The following BNC2 variants were observed in gnomAD, a reference collection of about 807,000 sequenced individuals.
BNC2 encodes the protein basonuclin zinc finger protein 2.
BNC2 carries 20 observed loss-of-function variants against 76.3 expected under a neutral mutation model. The observed-to-expected ratio is 0.26, with a 90% CI of 0.18 to 0.38. The LOEUF is 0.38. BNC2 is among the 10% of genes least tolerant of loss of function. The pLI, the probability that BNC2 is intolerant of heterozygous loss-of-function variation, is 1.00. For missense variants in BNC2, 1,382 were observed against 1,399.8 expected (o/e 0.99, Z 0.20); for synonymous variants, 582 against 514.8 (o/e 1.13, Z -1.77).
chr9:16,834,630 C>A (rs563516905), intron 1 of BNC2, among the ~76,000 whole-genome samples: 62 of 152,318 alleles, frequency 4.1e-4, no homozygotes, highest in Middle Eastern at 3.4e-3. Context: ...CCACAATTAG[C>A]ATTTTACATT....
intron 1 of BNC2, among the ~76,000 whole-genome samples, chr9:16,864,527 G>C: frequency 6.6e-6 from 1 of 152,124 alleles, no homozygotes; most frequent in East Asian, 1.9e-4. Context: ...CCTCAACTCT[G>C]TCTATCTCCT....
intron 4 of BNC2, among the ~76,000 whole-genome samples, chr9:16,568,617 G>GT (rs1819231199): frequency 6.6e-6 from 1 of 152,018 alleles, no homozygotes; most frequent in Non-Finnish European, 1.5e-5. Flanking sequence ...CTTTCCCATT[G>GT]TAAGACTCAG....
intron 1 of BNC2, among the ~76,000 whole-genome samples, chr9:16,863,423 T>G (rs1362956297): frequency 6.6e-6 from 1 of 152,144 alleles, no homozygotes; most frequent in Admixed American, 6.5e-5. Flanking sequence ...AGTGGCTCAC[T>G]GTGGGATCAC....
intron 5 of BNC2, among the ~76,000 whole-genome samples, chr9:16,539,605 G>GGA (rs369109556): frequency 1.1e-3 from 60 of 56,810 alleles, no homozygotes; most frequent in East Asian, 3.1e-3. Flanking sequence ...AGCGAGGGAG[G>GGA]GAGAGAGAGA....
At chr9:16,859,149 A>G (rs1405152684) in intron 1 of BNC2, among the ~76,000 whole-genome samples, 1 of 149,518 alleles carries the variant, frequency 6.7e-6, no homozygotes, top group African/African-American at 2.5e-5. Flanking sequence ...CCACACTGAG[A>G]TATCACCTCA....
At chr9:16,444,169 T>C (rs1367908823) in intron 5 of BNC2, among the ~76,000 whole-genome samples, 3 of 152,164 alleles carry the variant, frequency 2.0e-5, no homozygotes, top group African/African-American at 7.2e-5. Context: ...CACTGTGACA[T>C]GGTGAGTCAA....
rs149349462 is a variant in BNC2, at chr9:16,685,110, C to T, written c.330+42687G>A. On this transcript the variant is annotated intron_variant, in intron 3 of 6. Transcript: ENST00000380672. ...TCCCAAAAGTCTTAGAAGATGAAAG[C>T]TAATATTTACTGGGTACCTGTTATG... Among the ~76,000 whole-genome samples, 530 of 152,238 alleles carry T rather than the reference C, an allele frequency of 3.5e-3. 2 individuals are homozygous for T. The highest frequency in any genetic ancestry group is 0.012 in the African/African-American group (504 of 41,538).
intron 4 of BNC2, among the ~76,000 whole-genome samples, chr9:16,561,526 A>C (rs1819015445): frequency 6.6e-6 from 1 of 152,014 alleles, no homozygotes; most frequent in South Asian, 2.1e-4. Flanking sequence ...TATTTACTCT[A>C]AAACTGATCC....
chr9:16,738,570 G>A lies in BNC2; in HGVS notation c.4-85C>T, dbSNP rs919317660. The A allele has an allele frequency of 1.6e-5, 21 of 1,320,750 alleles. No individual in the cohort carries two copies. The Admixed American group carries it at 4.1e-4, about 26-fold the overall frequency. The allele number at this position is 1,320,750 out of a possible 1,614,324, so 81.8% of individuals were successfully genotyped here. A position where few individuals can be genotyped will look rare whatever the true frequency, so the allele number is the denominator to read the frequency against. ...GAGTACATCAAAACTTTAAGAAATT[G>A]CAAATATAACACACCAATGACCAAC... On this transcript the variant is annotated intron_variant, in intron 1 of 6. Transcript: ENST00000380672.
intron 3 of BNC2, among the ~76,000 whole-genome samples, chr9:16,707,481 G>T (rs192049218): frequency 6.6e-6 from 1 of 152,068 alleles, no homozygotes; most frequent in African/African-American, 2.4e-5. Context: ...AGGATGAACC[G>T]GGGCCTATGA....
chr9:16,673,069 T>C (rs951925306), intron 3 of BNC2, among the ~76,000 whole-genome samples: 2 of 152,224 alleles, frequency 1.3e-5, no homozygotes, highest in Non-Finnish European at 2.9e-5. Context: ...TGTCTTAGTG[T>C]ATCTGTTTTC....
In BNC2 at chr9:16,436,614, G is replaced by C; in HGVS notation, c.1580C>G (p.Ser527Ter). Residue 527 changes from serine (S) to a stop codon, truncating the protein, a stop_gained, in exon 6 of 7, where the codon TCA (serine) becomes TGA (stop). Transcript: ENST00000380672. LOFTEE classifies it high-confidence loss of function. Reference sequence around the variant, plus strand: ...GCCAGGGCTTGTGAGTGCCAGATTTGATTTTGTACTTGCTATGACAGGGGT... The same window carrying C: ...GCCAGGGCTTGTGAGTGCCAGATTTCATTTTGTACTTGCTATGACAGGGGT... Reference protein sequence around the residue: ...AATPVIASTKSNLALTSPGRP... With the variant: ...AATPVIASTK The C allele has an allele frequency of 6.2e-7, 1 of 1,614,114 alleles. No individual in the cohort carries two copies. Among genetic ancestry groups the C allele is most frequent in the Non-Finnish European group, 8.5e-7 (1 of 1,180,020 alleles).
intron 3 of BNC2, among the ~76,000 whole-genome samples, chr9:16,682,049 G>A (rs928926521): frequency 3.3e-5 from 5 of 151,914 alleles, no homozygotes; most frequent in African/African-American, 1.2e-4. Context: ...AAGAGAGAGT[G>A]AACTTTTATT....
At chr9:16,547,448 G>C (rs1354643114) in intron 5 of BNC2, among the ~76,000 whole-genome samples, 6 of 152,196 alleles carry the variant, frequency 3.9e-5, no homozygotes, top group African/African-American at 1.4e-4. Context: ...GGTTTCCCTA[G>C]CCATTCACTT....
At chr9:16,443,112 G>T (rs1193924834) in intron 5 of BNC2, among the ~76,000 whole-genome samples, 2 of 135,420 alleles carry the variant, frequency 1.5e-5, no homozygotes, top group South Asian at 4.9e-4. Context: ...CAGTTTAAAA[G>T]ACTCAATCAT....
chr9:16,720,877 G>T (rs1824136265), intron 3 of BNC2, among the ~76,000 whole-genome samples: 1 of 152,108 alleles, frequency 6.6e-6, no homozygotes, highest in Non-Finnish European at 1.5e-5. Flanking sequence ...GCTACATACA[G>T]CATTTGAACA....
chr9:16,653,319 G>GT (rs1563881510), intron 3 of BNC2, among the ~76,000 whole-genome samples: 1 of 152,050 alleles, frequency 6.6e-6, no homozygotes, highest in East Asian at 1.9e-4. Context: ...ACTCACAAAT[G>GT]TAAGTGCCCA....
At chr9:16,592,091 T>A (rs944795348) in intron 3 of BNC2, among the ~76,000 whole-genome samples, 18 of 151,348 alleles carry the variant, frequency 1.2e-4, no homozygotes, top group African/African-American at 4.4e-4. Context: ...GCTGGGCAAT[T>A]TAAAGATGGT....
intron 1 of BNC2, among the ~76,000 whole-genome samples, chr9:16,774,551 C>A (rs1293571161): frequency 1.3e-5 from 2 of 152,194 alleles, no homozygotes; most frequent in Non-Finnish European, 2.9e-5. Flanking sequence ...ATTTCCTCAT[C>A]CAACTTTTAA....
Sources: gnomAD v4.1 joint callset for allele counts (sites outside exome capture counted in the v4.1 genomes callset) on GRCh38, gnomAD v4.1.1 for gene constraint, MANE v1.5 for transcripts, NCBI Gene and HGNC (gene_info 2026-07-23, HGNC 2026-07-21) for gene names.